Variants in SORCS1 observed in about 807,000 individuals in gnomAD.
SORCS1 encodes the protein sortilin related VPS10 domain containing receptor 1.
SORCS1 carries 60 observed loss-of-function variants against 146.1 expected under a neutral mutation model. The ratio of observed to expected loss-of-function variants is 0.41; its 90% CI spans 0.33 to 0.51. SORCS1 has a LOEUF of 0.51. SORCS1 is among the 20% of genes least tolerant of loss of function. The pLI is 0.21. For missense variants in SORCS1, 1,352 were observed against 1,487.6 expected (o/e 0.91, Z 1.50); for synonymous variants, 637 against 584.0 (o/e 1.09, Z -1.31).
intron 1 of SORCS1, among the ~76,000 whole-genome samples, chr10:107,046,131 C>T (rs1564968054): frequency 1.3e-5 from 2 of 151,990 alleles, no homozygotes. Flanking sequence ...ATTTTTAGTA[C>T]AGACAGGGTT....
chr10:106,814,437 C>A (rs975486098), intron 3 of SORCS1, among the ~76,000 whole-genome samples: 1 of 152,100 alleles, frequency 6.6e-6, no homozygotes, highest in Non-Finnish European at 1.5e-5. Context: ...AGAACATAGA[C>A]CAGAAATGCA....
intron 5 of SORCS1, among the ~76,000 whole-genome samples, chr10:106,748,731 A>G (rs1857930783): frequency 6.6e-6 from 1 of 152,100 alleles, no homozygotes; most frequent in Admixed American, 6.5e-5. Flanking sequence ...CTCTGTGGTC[A>G]ATTTCTTCTT....
At chr10:106,774,516 T>C (rs1481267258) in intron 4 of SORCS1, among the ~76,000 whole-genome samples, 4 of 151,796 alleles carry the variant, frequency 2.6e-5, no homozygotes, top group African/African-American at 9.7e-5. Flanking sequence ...ATTTGCAATT[T>C]TGTAAATGTG....
chr10:107,092,713 A>G (rs1322581957), intron 1 of SORCS1, among the ~76,000 whole-genome samples: 4 of 152,238 alleles, frequency 2.6e-5, no homozygotes, highest in South Asian at 2.1e-4. Flanking sequence ...CAATAACCAT[A>G]AGATGCCAAG....
intron 2 of SORCS1, among the ~76,000 whole-genome samples, chr10:106,891,882 T>C (rs1408876315): frequency 1.3e-5 from 2 of 152,190 alleles, no homozygotes; most frequent in Non-Finnish European, 2.9e-5. Context: ...TTAAGAAATG[T>C]ACTGTTCTTT....
intron 23 of SORCS1, among the ~76,000 whole-genome samples, chr10:106,606,605 T>C (rs1846611782): frequency 1.3e-5 from 2 of 152,216 alleles, no homozygotes; most frequent in African/African-American, 2.4e-5. Context: ...ATCTAATTCA[T>C]TGTAAACTCC....
intron 12 of SORCS1, among the ~76,000 whole-genome samples, chr10:106,678,376 T>C (rs2135543895): frequency 6.6e-6 from 1 of 152,264 alleles, no homozygotes; most frequent in Middle Eastern, 3.4e-3. Flanking sequence ...CCTCCTCCGC[T>C]CAAAATATCA....
chr10:107,072,324 G>A (rs1373705156), intron 1 of SORCS1, among the ~76,000 whole-genome samples: 1 of 152,048 alleles, frequency 6.6e-6, no homozygotes, highest in Non-Finnish European at 1.5e-5. Flanking sequence ...ATAATAACTG[G>A]CACGCAAATT....
intron 1 of SORCS1, among the ~76,000 whole-genome samples, chr10:107,036,973 C>A (rs1486503084): frequency 6.6e-6 from 1 of 152,144 alleles, no homozygotes; most frequent in Non-Finnish European, 1.5e-5. Flanking sequence ...AGGCTGGGCG[C>A]GGTGGCTCAT....
intron 1 of SORCS1, among the ~76,000 whole-genome samples, chr10:106,997,747 A>C (rs1957058729): frequency 6.6e-6 from 1 of 152,188 alleles, no homozygotes; most frequent in African/African-American, 2.4e-5. Flanking sequence ...GAAAAACAAC[A>C]ACAACAAAAG....
chr10:107,177,621 A>G, the SORCS1 span, among the ~76,000 whole-genome samples: 1 of 152,214 alleles, frequency 6.6e-6, no homozygotes, highest in Non-Finnish European at 1.5e-5. Flanking sequence ...AGATTTATTT[A>G]TATATTGTGC....
chr10:106,688,973 C>T (rs1309153149), intron 9 of SORCS1, among the ~76,000 whole-genome samples: 1 of 152,224 alleles, frequency 6.6e-6, no homozygotes, highest in Non-Finnish European at 1.5e-5. Flanking sequence ...GAACCAATTA[C>T]TGTTGCTTTA....
At chr10:106,808,169 G>C (rs7907219) in intron 3 of SORCS1, among the ~76,000 whole-genome samples, 43,805 of 152,078 alleles carry the variant, frequency 0.29, 6,588 homozygotes, top group Non-Finnish European at 0.32. Flanking sequence ...AAGGCATGCA[G>C]CACCACGCCC....
At chr10:106,729,962 A>C in intron 6 of SORCS1, 88 bp downstream of exon 6, 1 of 1,480,686 alleles carries the variant, frequency 6.8e-7, no homozygotes, top group East Asian at 2.3e-5. Flanking sequence ...CTCTGCATAC[A>C]CCATGAGATT....
chr10:106,858,566 C>CCACTG (rs1347969781), intron 2 of SORCS1, among the ~76,000 whole-genome samples: 1 of 144,882 alleles, frequency 6.9e-6, no homozygotes, highest in Non-Finnish European at 1.5e-5. Flanking sequence ...CGAGATTGCA[C>CCACTG]CACTGCACTC....
chr10:106,939,853 C>G (rs544495143), intron 2 of SORCS1, among the ~76,000 whole-genome samples: 9 of 152,304 alleles, frequency 5.9e-5, no homozygotes, highest in African/African-American at 2.2e-4. Context: ...CTTCCTCATC[C>G]TACGATATAA....
At chr10:106,897,719 G>T (rs2138012082) in intron 2 of SORCS1, among the ~76,000 whole-genome samples, 1 of 151,942 alleles carries the variant, frequency 6.6e-6, no homozygotes, top group African/African-American at 2.4e-5. Context: ...AAAAAAAAAT[G>T]TCATGAATAG....
intron 1 of SORCS1, among the ~76,000 whole-genome samples, chr10:107,019,013 A>C (rs1396796281): frequency 6.6e-6 from 1 of 152,184 alleles, no homozygotes; most frequent in African/African-American, 2.4e-5. Flanking sequence ...AACTCACTTT[A>C]ACAATCTGAG....
intron 4 of SORCS1, among the ~76,000 whole-genome samples, chr10:106,770,480 C>CA (rs61310332): frequency 0.039 from 4,924 of 126,200 alleles, 184 homozygotes; most frequent in East Asian, 0.21. Context: ...CAAAAAATCG[C>CA]AAAAAAAAAA....
Sources: gnomAD v4.1 joint callset for allele counts (sites outside exome capture counted in the v4.1 genomes callset) on GRCh38, gnomAD v4.1.1 for gene constraint, MANE v1.5 for transcripts, NCBI Gene and HGNC (gene_info 2026-07-23, HGNC 2026-07-21) for gene names.